Variants in GDPD3 observed in about 807,000 individuals in gnomAD.
GDPD3 encodes the protein glycerophosphodiester phosphodiesterase domain containing 3, also known as lysophospholipase D GDPD3.
In GDPD3, 40 loss-of-function variants were observed where a neutral mutation model predicts 43.7. The observed-to-expected ratio is 0.91, with a 90% CI of 0.71 to 1.19. The LOEUF is 1.19. Among genes scored for constraint, GDPD3 ranks in the 50% most tolerant of loss-of-function variants. The pLI, the probability that GDPD3 is intolerant of heterozygous loss-of-function variation, is 0.00. For missense variants in GDPD3, 363 were observed against 415.8 expected, an observed-to-expected ratio of 0.87 and a Z score of 1.11; for synonymous variants, 145 against 162.9, an observed-to-expected ratio of 0.89 and a Z score of 0.84.
chr16:30,112,045 C>G lies in GDPD3; in HGVS notation c.573+87G>C. 9.6e-7 allele frequency: 1 copy of G among 1,039,988 alleles called. No homozygotes were observed. The highest frequency in any genetic ancestry group is 2.5e-5 in the East Asian group (1 of 40,668). 64.4% of individuals were successfully genotyped at this position (1,039,988 alleles called of 1,614,324 possible). On this transcript the variant is annotated intron_variant, in intron 6 of 9. Transcript: ENST00000406256. This position sits in a 1 kb window ranked among gnomAD's most constrained non-coding sequence, Gnocchi z 5.4. ...GGAACTCTCCCAGACCCCTCTAGCT[C>G]GGGTCCCCATGCTGGGTGGGCTCCA...
chr16:30,107,986 GAC>G (rs113091799), intron 9 of GDPD3: 15,653 of 261,386 alleles, frequency 0.06, 9 homozygotes, highest in East Asian at 0.11. Context: ...TGAGACTCTT[GAC>G]ACACACACAC....
At chr16:30,107,651 T>G (rs1456483608) in intron 9 of GDPD3, 3 of 152,248 alleles carry the variant, frequency 2.0e-5, no homozygotes, top group African/African-American at 2.4e-5. Context: ...AAGCCCTTAA[T>G]AAGTACTAGT....
At position 30,112,421 on chromosome 16, in the gene GDPD3, T is replaced by C; in HGVS notation, c.368A>G (p.His123Arg). The C allele has an allele frequency of 6.2e-7, 1 of 1,614,064 alleles. No individual in the cohort carries two copies. Among genetic ancestry groups the C allele is most frequent in the East Asian group, 2.2e-5 (1 of 44,878 alleles). ...EKLEVYFSPG[H>R]FAHGSDRRMV... ...GCGCCGGTCTGACCCGTGAGCAAAG[T>C]GGCCTGGGGGTGGTGTGGGAAAAGG... is the stretch of plus-strand genomic sequence containing the variant. Residue 123 changes from histidine to arginine, a missense_variant, in exon 5 of 10, where the codon CAC becomes CGC. Coordinates refer to ENST00000406256, the MANE Select transcript of GDPD3 (RefSeq NM_024307.3). The surrounding 1 kb of genome is among the most constrained non-coding windows in gnomAD (Gnocchi z 5.4).
Position 30,104,960 on chromosome 16 carries a change from C to T in GDPD3, c.869G>A (p.Ser290Asn). 6.2e-7 allele frequency: 1 copy of T among 1,612,768 alleles called. No homozygotes were observed. Among genetic ancestry groups the T allele is most frequent in the Non-Finnish European group, 8.5e-7 (1 of 1,179,766 alleles). ...NEESDFEAAF[S>N]VGATGVITDY... ...CGTTATGACGCCAGTGGCTCCCACGCTGAAGGCTGCTTCAAAATCCGACTC... is the reference window on the plus strand; with the variant it reads ...CGTTATGACGCCAGTGGCTCCCACGTTGAAGGCTGCTTCAAAATCCGACTC... Residue 290 changes from serine to asparagine, a missense_variant, in exon 10 of 10, where the codon AGC becomes AAC. Transcript: ENST00000406256.
Position 30,112,450 on chromosome 16 carries a change from C to A in GDPD3, c.365-26G>T, listed in dbSNP as rs748529299. ...CTGGGGGTGGTGTGGGAAAAGGGGT[C>A]AGAGGGAAGCCAAGGCGGAGGTCCA... On this transcript the variant is annotated intron_variant, in intron 4 of 9. Transcript: ENST00000406256. This position sits in a 1 kb window ranked among gnomAD's most constrained non-coding sequence, Gnocchi z 5.4. 15 of 1,613,956 alleles carry A rather than the reference C, an allele frequency of 9.3e-6. No homozygotes were observed. The South Asian group carries it at 1.5e-4, about 17-fold the overall frequency.
chr16:30,111,202 T>A, intron 7 of GDPD3, 186 bp downstream of exon 7: 7 of 647,608 alleles, frequency 1.1e-5, no homozygotes, highest in Non-Finnish European at 1.3e-5. Context: ...ACTCCACATA[T>A]GCACAGAATT....
At position 30,113,117 on chromosome 16, in the gene GDPD3, C is replaced by A; in HGVS notation, c.140-53G>T. On this transcript the variant is annotated intron_variant, in intron 1 of 9. Coordinates refer to ENST00000406256, the MANE Select transcript of GDPD3 (RefSeq NM_024307.3). The surrounding 1 kb of genome is among the most constrained non-coding windows in gnomAD (Gnocchi z 5.9). ...GGGGCTTGGGGTCTAGGGGCCTGGC[C>A]CAACCTCATCACCCACATTCCCTCT... 1 of 1,511,060 alleles carries A rather than the reference C, an allele frequency of 6.6e-7. No homozygotes were observed. The highest frequency in any genetic ancestry group is 1.7e-5 in the Admixed American group (1 of 57,770). The allele number at this position is 1,511,060 out of a possible 1,614,324, so 93.6% of individuals were successfully genotyped here. A position where few individuals can be genotyped will look rare whatever the true frequency, so the allele number is the denominator to read the frequency against.
Position 30,108,546 on chromosome 16 carries a change from A to G in GDPD3, c.708-114T>C, listed in dbSNP as rs982884408. On this transcript the variant is annotated intron_variant, in intron 7 of 9. Transcript: ENST00000406256. ...TAGCGCTGCCCTCCCACCCCCCAGA[A>G]TCCCCCAGAATAACCTTTGTAGTTG... The G allele has an allele frequency of 3.4e-6, 3 of 893,552 alleles. No homozygotes were observed. In the African/African-American group the frequency reaches 4.9e-5, roughly 15 times the overall value. The allele number at this position is 893,552 out of a possible 1,614,324, so 55.4% of individuals were successfully genotyped here.
At chr16:30,111,613 G>T in intron 6 of GDPD3, 92 bp from the exon 7 acceptor site, 3 of 1,381,490 alleles carry the variant, frequency 2.2e-6, no homozygotes, top group Non-Finnish European at 2.0e-6. Context: ...GGGCATTCCA[G>T]AGGCCCTACT....
chr16:30,113,456 G>T lies in GDPD3; in HGVS notation c.23C>A (p.Ala8Asp). 1 of 1,599,642 alleles carries T rather than the reference G, an allele frequency of 6.3e-7. No individual in the cohort carries two copies. The highest frequency in any genetic ancestry group is 8.5e-7 in the Non-Finnish European group (1 of 1,172,084). Reference protein sequence around the residue: MSLLLYYALPALGSYAML... With the variant: MSLLLYYDLPALGSYAML... ...GGCATAGCTGCCCAGGGCAGGGAGG[G>T]CATAGTACAGCAAAAGGCTCATGAC... The change falls in exon 1 of 10, where the codon GCC becomes GAC. Residue 8 changes from alanine (A) to aspartate (D), a missense_variant. By Grantham distance (126) the Ala-to-Asp change is moderately radical. Coordinates refer to ENST00000406256, the MANE Select transcript of GDPD3 (RefSeq NM_024307.3). The surrounding 1 kb of genome is among the most constrained non-coding windows in gnomAD (Gnocchi z 5.9).
chr16:30,112,901 C>T lies in GDPD3; in HGVS notation c.183-108G>A. ...AGAGCGGAGTTCGTGGCGGGATGTG[C>T]AGGCCACCTCCAGGGGGCGCCAGTC... is the stretch of plus-strand genomic sequence containing the variant. On this transcript the variant is annotated intron_variant, in intron 2 of 9. Transcript: ENST00000406256. This position sits in a 1 kb window ranked among gnomAD's most constrained non-coding sequence, Gnocchi z 5.4. 1.3e-6 allele frequency: 2 copies of T among 1,484,270 alleles called. No individual in the cohort carries two copies. Among genetic ancestry groups the T allele is most frequent in the South Asian group, 2.3e-5 (2 of 87,452 alleles). The allele number at this position is 1,484,270 out of a possible 1,614,324, so 91.9% of individuals were successfully genotyped here.
chr16:30,106,817 G>A (rs1009260407), intron 9 of GDPD3, among the ~76,000 whole-genome samples: 8 of 151,646 alleles, frequency 5.3e-5, no homozygotes, highest in African/African-American at 9.7e-5. Flanking sequence ...AGTGATTCTC[G>A]TGCTTGAGCC....
In GDPD3 at chr16:30,113,482, C is replaced by T. The variant is rs1012654766; in HGVS notation, c.-4G>A. ...CATAGTACAGCAAAAGGCTCATGAC[C>T]GTACTCCCACAGAAGCTCCTGCAGC... On this transcript the variant is annotated 5_prime_UTR_variant, in exon 1 of 10. Transcript: ENST00000406256. The surrounding 1 kb of genome is among the most constrained non-coding windows in gnomAD (Gnocchi z 5.9). 33 of 1,548,408 alleles carry T rather than the reference C, an allele frequency of 2.1e-5. No homozygotes were observed. Among genetic ancestry groups the T allele is most frequent in the East Asian group, 4.7e-5 (2 of 42,806 alleles).
rs760009421 is a variant in GDPD3 at position 30,112,194 on chromosome 16, G to C, written c.511C>G (p.Arg171Gly). The C allele has an allele frequency of 6.2e-7, 1 of 1,614,100 alleles. No homozygotes were observed. The highest frequency in any genetic ancestry group is 1.7e-5 in the Admixed American group (1 of 60,014). ...EIAGLVRRYD[R>G]NEITIWASEK... The stretch of plus-strand genomic sequence containing the variant: ...GAGGCCCAGATGGTGATTTCATTAC[G>C]GTCATAGCGTCTCACCAAGCCTGCT... Residue 171 changes from arginine to glycine, a missense_variant, in exon 6 of 10, where the codon CGT becomes GGT. Arg to Gly is a moderately radical substitution (Grantham distance 125, BLOSUM62 -2). Coordinates refer to ENST00000406256, the MANE Select transcript of GDPD3 (RefSeq NM_024307.3). The surrounding 1 kb of genome is among the most constrained non-coding windows in gnomAD (Gnocchi z 5.4).
Position 30,113,456 on chromosome 16 carries a change from G to A in GDPD3, c.23C>T (p.Ala8Val), listed in dbSNP as rs1398474802. The A allele has an allele frequency of 1.9e-6, 3 of 1,599,524 alleles. No homozygotes were observed. The highest frequency in any genetic ancestry group is 1.3e-5 in the African/African-American group (1 of 74,426). The change falls in exon 1 of 10, where the codon GCC (alanine) becomes GTC (valine). Residue 8 changes from alanine to valine, a missense_variant. Physicochemically the swap from Ala to Val is moderately conservative, Grantham distance 64 (BLOSUM62 0). Coordinates refer to ENST00000406256, the MANE Select transcript of GDPD3 (RefSeq NM_024307.3). The surrounding 1 kb of genome is among the most constrained non-coding windows in gnomAD (Gnocchi z 5.9). The part of the protein sequence containing the change: MSLLLYY[A>V]LPALGSYAML... ...GGCATAGCTGCCCAGGGCAGGGAGG[G>A]CATAGTACAGCAAAAGGCTCATGAC...
At position 30,112,125 on chromosome 16, in the gene GDPD3, G is replaced by T. The variant is rs775135074; in HGVS notation, c.573+7C>A. 6.2e-6 allele frequency: 10 copies of T among 1,607,184 alleles called. No individual in the cohort carries two copies. The highest frequency in any genetic ancestry group is 8.5e-6 in the Non-Finnish European group (10 of 1,174,504). On this transcript the variant is annotated splice_region_variant and intron_variant, in intron 6 of 9. Coordinates refer to ENST00000406256, the MANE Select transcript of GDPD3 (RefSeq NM_024307.3). The surrounding 1 kb of genome is among the most constrained non-coding windows in gnomAD (Gnocchi z 5.4). Reference sequence around the variant, plus strand: ...GAAGAGGACGGGGGAGGGGTGGGGGGACTCACGGCAGCCTTGCATTTCTTC... The same window carrying T: ...GAAGAGGACGGGGGAGGGGTGGGGGTACTCACGGCAGCCTTGCATTTCTTC...
chr16:30,110,606 T>A (rs972532928), intron 7 of GDPD3: 1 of 151,430 alleles, frequency 6.6e-6, no homozygotes, highest in African/African-American at 2.4e-5. Flanking sequence ...GCCCAGGGGC[T>A]CAGGTATGTA....
chr16:30,109,379 A>G (rs1187125820), intron 7 of GDPD3, among the ~76,000 whole-genome samples: 1 of 152,250 alleles, frequency 6.6e-6, no homozygotes, highest in East Asian at 1.9e-4. Flanking sequence ...GCGTGGTGGC[A>G]GACCCTGTAG....
At chr16:30,108,057 G>A in intron 9 of GDPD3, 156 bp downstream of exon 9, 2 of 597,764 alleles carry the variant, frequency 3.3e-6, no homozygotes, top group South Asian at 4.0e-5. Flanking sequence ...GTGTGTGTGT[G>A]TATCCAGAGA....
Sources: gnomAD v4.1 joint callset for allele counts (sites outside exome capture counted in the v4.1 genomes callset) on GRCh38, gnomAD v4.1.1 for gene constraint, Gnocchi (gnomAD v3.1) non-coding constraint, MANE v1.5 for transcripts, NCBI Gene and HGNC (gene_info 2026-07-23, HGNC 2026-07-21) for gene names.